CRYBA2: variants seen among roughly 807,000 people sequenced by gnomAD.
CRYBA2 encodes crystallin beta A2, also known as beta-crystallin A2.
A neutral mutation model predicts 18.5 loss-of-function variants in CRYBA2; 17 were observed. The ratio of observed to expected loss-of-function variants is 0.92; its 90% CI spans 0.63 to 1.38. CRYBA2 has a LOEUF of 1.38. Ranked by LOEUF, CRYBA2 falls within the 40% of genes most tolerant of loss-of-function variation. CRYBA2 has a pLI of 0.00. For synonymous variants in CRYBA2, 101 were observed against 106.2 expected, an observed-to-expected ratio of 0.95 and a Z score of 0.30; for missense variants, 271 against 265.0, an observed-to-expected ratio of 1.02 and a Z score of -0.16.
chr2:218,991,992 G>A, intron 2 of CRYBA2, 110 bp downstream of exon 2: 1 of 873,546 alleles, frequency 1.1e-6, no homozygotes, highest in Non-Finnish European at 1.7e-6. Context: ...ACCCATCTCG[G>A]AGTTTGTTTA....
Position 218,993,291 on chromosome 2 carries a change from C to T in CRYBA2, c.-115G>A. On this transcript the variant is annotated 5_prime_UTR_variant, in exon 1 of 4. Coordinates refer to ENST00000295728, the MANE Select transcript of CRYBA2 (RefSeq NM_057093.2). The surrounding 1 kb of genome is among the most constrained non-coding windows in gnomAD (Gnocchi z 7.7). ...GGATGAAGAACCCGGGGGCTGGACCCGGCCTAGCTCTGGACCCGGCTGCCA... is the reference window on the plus strand; with the variant it reads ...GGATGAAGAACCCGGGGGCTGGACCTGGCCTAGCTCTGGACCCGGCTGCCA... The T allele has an allele frequency of 9.2e-7, 1 of 1,091,300 alleles. No homozygotes were observed. 67.6% of individuals were successfully genotyped at this position (1,091,300 alleles called of 1,614,324 possible).
chr2:218,992,566 C>A (rs1945510838), intron 1 of CRYBA2, among the ~76,000 whole-genome samples: 1 of 152,146 alleles, frequency 6.6e-6, no homozygotes, highest in South Asian at 2.1e-4. Flanking sequence ...CATTGGAGGA[C>A]CCCTCCCGAA....
intron 2 of CRYBA2, 22 bp downstream of exon 2, chr2:218,992,080 A>C (rs1442153118): frequency 2.5e-6 from 4 of 1,600,928 alleles, no homozygotes; most frequent in Non-Finnish European, 3.4e-6. Context: ...GAGGCAGGGG[A>C]GGAGAAGTGG....
intron 1 of CRYBA2, among the ~76,000 whole-genome samples, 188 bp downstream of exon 1, chr2:218,992,827 TA>T (rs1370225885): frequency 3.3e-5 from 5 of 152,180 alleles, no homozygotes; most frequent in African/African-American, 1.2e-4. Context: ...TCTCTTTAGC[TA>T]GCACAAAAAT....
chr2:218,990,682 ACCT>A (rs1181919720), intron 3 of CRYBA2, among the ~76,000 whole-genome samples, 167 bp downstream of exon 3: 4 of 134,604 alleles, frequency 3.0e-5, no homozygotes, highest in East Asian at 2.2e-4. Context: ...TTCTCCTAGG[ACCT>A]CCTCATTTCC....
At chr2:218,990,677 C>G (rs2106017346) in intron 3 of CRYBA2, among the ~76,000 whole-genome samples, 175 bp downstream of exon 3, 1 of 151,856 alleles carries the variant, frequency 6.6e-6, no homozygotes, top group South Asian at 2.1e-4. Flanking sequence ...CCCCATTCTC[C>G]TAGGACCTCC....
chr2:218,990,333 G>C lies in CRYBA2; in HGVS notation c.513C>G (p.Ser171Arg). The change falls in exon 4 of 4, where the codon AGC (serine) becomes AGG (arginine). Residue 171 changes from serine to arginine, a missense_variant. Transcript: ENST00000295728. Reference sequence around the variant, plus strand: ...GCTCACCGTAAGTACAGAACTCTCCGCTGTGCCGGTCCCGCTCCAACACAT... The same window carrying C: ...GCTCACCGTAAGTACAGAACTCTCCCCTGTGCCGGTCCCGCTCCAACACAT... The part of the protein sequence containing the change: ...YQYVLERDRH[S>R]GEFCTYGELG... 1 of 1,614,132 alleles carries C rather than the reference G, an allele frequency of 6.2e-7. No individual in the cohort carries two copies.
Position 218,990,251 on chromosome 2 carries a change from C to T in CRYBA2, c.*1G>A. The T allele has an allele frequency of 6.2e-7, 1 of 1,614,064 alleles. No homozygotes were observed. The highest frequency in any genetic ancestry group is 2.2e-5 in the East Asian group (1 of 44,890). The stretch of plus-strand genomic sequence containing the variant: ...AGGGAAGGTGTCTGGGGCCGTGGAG[C>T]CTAGTGCTGGACTCTCCGGATGGAC... On this transcript the variant is annotated 3_prime_UTR_variant, in exon 4 of 4. Coordinates refer to ENST00000295728, the MANE Select transcript of CRYBA2 (RefSeq NM_057093.2).
At chr2:218,991,208 T>C (rs1945494170) in intron 2 of CRYBA2, 1 of 590,298 alleles carries the variant, frequency 1.7e-6, no homozygotes, top group East Asian at 3.0e-5. Context: ...CCCATGACTT[T>C]GAGATAAGGA....
intron 1 of CRYBA2, 140 bp downstream of exon 1, chr2:218,992,876 A>T: frequency 1.6e-6 from 1 of 611,272 alleles, no homozygotes; most frequent in Non-Finnish European, 2.8e-6. Flanking sequence ...ATGGGTGGGG[A>T]ATTTTGGGGA....
chr2:218,993,305 A>G lies in CRYBA2; in HGVS notation c.-129T>C. ...GGGGCTGGACCCGGCCTAGCTCTGG[A>G]CCCGGCTGCCAGGGGCTCGCAGTCT... On this transcript the variant is annotated 5_prime_UTR_variant, in exon 1 of 4. Coordinates refer to ENST00000295728, the MANE Select transcript of CRYBA2 (RefSeq NM_057093.2). This position sits in a 1 kb window ranked among gnomAD's most constrained non-coding sequence, Gnocchi z 7.7. The G allele has an allele frequency of 2.2e-6, 2 of 918,010 alleles. No homozygotes were observed. Among genetic ancestry groups the G allele is most frequent in the South Asian group, 3.6e-5 (2 of 56,236 alleles). 56.9% of individuals were successfully genotyped at this position (918,010 alleles called of 1,614,324 possible).
At chr2:218,990,681 G>A (rs1242748850) in intron 3 of CRYBA2, among the ~76,000 whole-genome samples, 171 bp downstream of exon 3, 1 of 150,066 alleles carries the variant, frequency 6.7e-6, no homozygotes, top group Non-Finnish European at 1.5e-5. Context: ...ATTCTCCTAG[G>A]ACCTCCTCAT....
intron 2 of CRYBA2, 126 bp from the exon 3 acceptor site, chr2:218,991,120 A>T (rs1471401337): frequency 5.6e-6 from 8 of 1,429,774 alleles, no homozygotes; most frequent in Non-Finnish European, 7.6e-6. Flanking sequence ...ACCCACAGGC[A>T]CTCCCAGAGC....
At chr2:218,991,083 AC>A (rs1945492781) in intron 2 of CRYBA2, 89 bp from the exon 3 acceptor site, 1 of 1,555,138 alleles carries the variant, frequency 6.4e-7, no homozygotes, top group African/African-American at 1.3e-5. Context: ...CACCCACTGC[AC>A]CTCACAAGCT....
Position 218,993,084 on chromosome 2 carries a change from G to T in CRYBA2, c.93C>A (p.Ser31Arg), listed in dbSNP as rs541348226. The change falls in exon 1 of 4, where the codon AGC becomes AGA. Residue 31 changes from serine to arginine, a missense_variant. Transcript: ENST00000295728. This position sits in a 1 kb window ranked among gnomAD's most constrained non-coding sequence, Gnocchi z 7.7. ...DFQGRRCRLL[S>R]DCANVCERGG... ...CGCGCTCGCAGACGTTCGCACAGTCGCTTAGCAGCCGACAGCGACGGCCCT... is the reference window on the plus strand; with the variant it reads ...CGCGCTCGCAGACGTTCGCACAGTCTCTTAGCAGCCGACAGCGACGGCCCT... The T allele has an allele frequency of 1.2e-6, 2 of 1,611,980 alleles. No homozygotes were observed. Among genetic ancestry groups the T allele is most frequent in the Admixed American group, 1.7e-5 (1 of 59,980 alleles).
rs202221526 is a variant in CRYBA2 at position 218,993,135 on chromosome 2, G to A, written c.42C>T (p.Leu14=). The A allele has an allele frequency of 5.6e-6, 9 of 1,610,054 alleles. No homozygotes were observed. The African/African-American group carries it at 8.0e-5, about 14-fold the overall frequency. The change falls in exon 1 of 4, where the codon CTC becomes CTT. Residue 14 remains leucine, a synonymous_variant. Coordinates refer to ENST00000295728, the MANE Select transcript of CRYBA2 (RefSeq NM_057093.2). The surrounding 1 kb of genome is among the most constrained non-coding windows in gnomAD (Gnocchi z 7.7). ...GGAAGTCCTCCTCGTCCCAGAGCGTGAGGCTGGCGGGCGCCGGGCCCGGCG... is the reference window on the plus strand; with the variant it reads ...GGAAGTCCTCCTCGTCCCAGAGCGTAAGGCTGGCGGGCGCCGGGCCCGGCG... The part of the protein sequence containing the change: ...APAPGPAPAS[L]TLWDEEDFQG...
chr2:218,990,439 C>A, intron 3 of CRYBA2, 40 bp from the exon 4 acceptor site: 1 of 1,602,220 alleles, frequency 6.2e-7, no homozygotes. Flanking sequence ...GTAAGCTCTG[C>A]CCCCACCCCC....
At chr2:218,991,295 G>T (rs527796786) in intron 2 of CRYBA2, 15 of 281,134 alleles carry the variant, frequency 5.3e-5, no homozygotes, top group Non-Finnish European at 9.3e-5. Flanking sequence ...GGCCCATTTT[G>T]CAGGAGCAAA....
intron 1 of CRYBA2, among the ~76,000 whole-genome samples, chr2:218,992,467 A>G (rs932460081): frequency 6.6e-6 from 1 of 152,112 alleles, no homozygotes; most frequent in Non-Finnish European, 1.5e-5. Flanking sequence ...CCCCTCAAGG[A>G]CCCCAGGTTG....
Sources: gnomAD v4.1 joint callset for allele counts (sites outside exome capture counted in the v4.1 genomes callset) on GRCh38, gnomAD v4.1.1 for gene constraint, Gnocchi (gnomAD v3.1) non-coding constraint, MANE v1.5 for transcripts, NCBI Gene and HGNC (gene_info 2026-07-23, HGNC 2026-07-21) for gene names.